The following SVIL variants were observed in gnomAD, a reference collection of about 807,000 sequenced individuals.
SVIL encodes supervillin.
In SVIL, 101 loss-of-function variants were observed where a neutral mutation model predicts 240.4. That is an observed-to-expected ratio of 0.42 (90% CI 0.36 to 0.50). The LOEUF (loss-of-function observed/expected upper bound fraction) is 0.50, where lower values mean the gene tolerates loss of function less well. Among genes scored for constraint, SVIL ranks in the 20% least tolerant of loss-of-function variants. The pLI is 0.01. For missense variants in SVIL, 2,512 were observed against 2,818.7 expected (o/e 0.89, Z 2.46); for synonymous variants, 999 against 1,100.0 (o/e 0.91, Z 1.82).
chr10:29,691,547 C>T (rs925546535), intron 1 of SVIL, among the ~76,000 whole-genome samples: 7 of 152,124 alleles, frequency 4.6e-5, no homozygotes, highest in Non-Finnish European at 8.8e-5. Flanking sequence ...CTTTTCTTGG[C>T]GACGCTCCAG....
chr10:29,647,228 C>G (rs979105732), intron 3 of SVIL: 4 of 152,242 alleles, frequency 2.6e-5, no homozygotes, highest in Non-Finnish European at 5.9e-5. Context: ...CCCGATCTCC[C>G]ATCTCCAGGA....
chr10:29,459,799 G>T (rs1944021458), intron 36 of SVIL, among the ~76,000 whole-genome samples: 1 of 152,184 alleles, frequency 6.6e-6, no homozygotes, highest in African/African-American at 2.4e-5. Flanking sequence ...TGGTCAAGAG[G>T]CAGGTTTTGG....
Position 29,484,673 on chromosome 10 carries a change from G to T in SVIL, c.4938C>A (p.Cys1646Ter). 2 of 1,612,470 alleles carry T rather than the reference G, an allele frequency of 1.2e-6. No homozygotes were observed. Among genetic ancestry groups the T allele is most frequent in the Non-Finnish European group, 1.7e-6 (2 of 1,179,360 alleles). The change falls in exon 27 of 38, where the codon TGC becomes TGA. Residue 1646 changes from cysteine (C) to a stop codon, truncating the protein, a stop_gained. Coordinates refer to ENST00000355867, the MANE Select transcript of SVIL (RefSeq NM_021738.3). LOFTEE classifies it high-confidence loss of function. This position sits in a 1 kb window ranked among gnomAD's most constrained non-coding sequence, Gnocchi z 4.7. ...AGGAGTACCTGGGGATAAGCGGATT[G>T]CATTCTCCAGGATCCAGGGGATTGA... ...CDINPLDPGE[C>*]NPLIPRKGQG...
At chr10:29,473,360 A>G (rs1173337179) in intron 30 of SVIL, among the ~76,000 whole-genome samples, 1 of 152,216 alleles carries the variant, frequency 6.6e-6, no homozygotes, top group Non-Finnish European at 1.5e-5. Flanking sequence ...ACAAGTGATC[A>G]AAGTTTTAAG....
chr10:29,493,749 A>T (rs1948182035), intron 20 of SVIL, among the ~76,000 whole-genome samples: 1 of 152,196 alleles, frequency 6.6e-6, no homozygotes, highest in African/African-American at 2.4e-5. Context: ...CCAGCCAGTA[A>T]ACATTTTAGG....
At chr10:29,614,386 C>T (rs932891226) in intron 1 of SVIL, among the ~76,000 whole-genome samples, 13 of 152,170 alleles carry the variant, frequency 8.5e-5, no homozygotes, top group Middle Eastern at 3.4e-3. Context: ...GCACTGTTCA[C>T]AATAGCAAAG....
At chr10:29,681,370 G>A (rs1263868032) in intron 2 of SVIL, among the ~76,000 whole-genome samples, 2 of 150,596 alleles carry the variant, frequency 1.3e-5, no homozygotes, top group Non-Finnish European at 3.0e-5. Flanking sequence ...CACAAAGCAT[G>A]ACATGCAAAG....
intron 6 of SVIL, among the ~76,000 whole-genome samples, chr10:29,549,701 G>A (rs1186006229): frequency 3.6e-5 from 5 of 140,546 alleles, no homozygotes; most frequent in East Asian, 2.1e-4. Flanking sequence ...CATAAAAAAG[G>A]ATGAGTTCAT....
chr10:29,699,717 G>C (rs781762205), intron 1 of SVIL, among the ~76,000 whole-genome samples: 3 of 152,180 alleles, frequency 2.0e-5, no homozygotes, highest in Non-Finnish European at 2.9e-5. Context: ...TGTTACTGAC[G>C]AGTTAGGAGG....
chr10:29,729,450 G>GGT (rs55940009), intron 1 of SVIL, among the ~76,000 whole-genome samples: 8,178 of 136,320 alleles, frequency 0.06, 253 homozygotes, highest in South Asian at 0.082. Context: ...TGTTTATGGA[G>GGT]GTGTGTGTGT....
chr10:29,538,293 T>A (rs546147514), intron 6 of SVIL, among the ~76,000 whole-genome samples: 1 of 152,340 alleles, frequency 6.6e-6, no homozygotes, highest in East Asian at 1.9e-4. Flanking sequence ...TCAGCATTTA[T>A]AAAATGGAAA....
intron 18 of SVIL, 47 bp downstream of exon 18, chr10:29,499,069 T>C (rs1313205386): frequency 2.5e-6 from 4 of 1,600,610 alleles, no homozygotes; most frequent in Non-Finnish European, 3.4e-6. Context: ...TGTGCTCACG[T>C]GTGTGCATTG....
At chr10:29,592,673 A>T (rs1956435374) in intron 1 of SVIL, among the ~76,000 whole-genome samples, 1 of 152,228 alleles carries the variant, frequency 6.6e-6, no homozygotes, top group Admixed American at 6.5e-5. Context: ...AGCATAAAAA[A>T]TCAATGTTAA....
At chr10:29,631,063 G>A (rs1006352619) in intron 1 of SVIL, among the ~76,000 whole-genome samples, 1 of 152,140 alleles carries the variant, frequency 6.6e-6, no homozygotes, top group Admixed American at 6.5e-5. Context: ...GCATGTCAGA[G>A]GAAGCTTCTG....
intron 1 of SVIL, among the ~76,000 whole-genome samples, chr10:29,579,932 G>A (rs1955865845): frequency 6.6e-6 from 1 of 152,088 alleles, no homozygotes; most frequent in South Asian, 2.1e-4. Context: ...AATTCCTTTA[G>A]TCTTCTCGGT....
chr10:29,490,743 A>G (rs757944147), intron 22 of SVIL, 104 bp downstream of exon 22: 19 of 1,411,170 alleles, frequency 1.3e-5, no homozygotes, highest in Non-Finnish European at 1.7e-5. Context: ...GGGTCTTCTG[A>G]GCACCATTAT....
chr10:29,467,953 T>C, intron 32 of SVIL, 78 bp from the exon 33 acceptor site: 1 of 1,439,268 alleles, frequency 6.9e-7, no homozygotes, highest in African/African-American at 1.4e-5. Flanking sequence ...ACTATTATGA[T>C]AACAGCTTTA....
At chr10:29,632,411 A>G (rs535740534) in intron 1 of SVIL, among the ~76,000 whole-genome samples, 19 of 151,990 alleles carry the variant, frequency 1.3e-4, no homozygotes, top group Non-Finnish European at 2.2e-4. Context: ...GAATCACTTC[A>G]GCCCAAGAGG....
chr10:29,535,687 G>A (rs537187284), intron 7 of SVIL, among the ~76,000 whole-genome samples: 1 of 152,294 alleles, frequency 6.6e-6, no homozygotes, highest in East Asian at 1.9e-4. Flanking sequence ...GCTCACTACT[G>A]CCCCTCACTG....
Sources: gnomAD v4.1 joint callset for allele counts (sites outside exome capture counted in the v4.1 genomes callset) on GRCh38, gnomAD v4.1.1 for gene constraint, Gnocchi (gnomAD v3.1) non-coding constraint, MANE v1.5 for transcripts, NCBI Gene and HGNC (gene_info 2026-07-23, HGNC 2026-07-21) for gene names.